Variants in ADAMTS2 observed in about 807,000 individuals in gnomAD.
The protein encoded by ADAMTS2 is A disintegrin and metalloproteinase with thrombospondin motifs 2.
In ADAMTS2, 50 loss-of-function variants were observed where a neutral mutation model predicts 123.0. The observed-to-expected ratio is 0.41, with a 90% CI of 0.32 to 0.51. ADAMTS2 has a LOEUF of 0.51. ADAMTS2 is among the 20% of genes least tolerant of loss of function. The probability of loss-of-function intolerance (pLI) is 0.35; values close to 1 mark genes in which losing one functional copy is unlikely to be tolerated. For synonymous variants in ADAMTS2, 678 were observed against 695.4 expected (o/e 0.98, Z 0.39); for missense variants, 1,494 against 1,705.2 (o/e 0.88, Z 2.18).
At chr5:179,274,459 C>A (rs1429315478) in intron 2 of ADAMTS2, among the ~76,000 whole-genome samples, 4 of 152,250 alleles carry the variant, frequency 2.6e-5, no homozygotes, top group African/African-American at 9.6e-5. Flanking sequence ...TGGCGCTGGC[C>A]GGGGTCCCCT....
intron 3 of ADAMTS2, among the ~76,000 whole-genome samples, chr5:179,208,353 C>A (rs907190125): frequency 6.6e-6 from 1 of 152,228 alleles, no homozygotes; most frequent in Admixed American, 6.5e-5. Flanking sequence ...TGAAGCGAGG[C>A]CCCACATCTC....
At chr5:179,149,791 G>A (rs1029580800) in intron 10 of ADAMTS2, among the ~76,000 whole-genome samples, 4 of 152,272 alleles carry the variant, frequency 2.6e-5, no homozygotes, top group Non-Finnish European at 5.9e-5. Context: ...TCCCCACACC[G>A]AATCCTGATC....
rs370747086 is a variant in ADAMTS2 at position 179,126,060 on chromosome 5, G to A, written c.2688C>T (p.Ala896=). ...DHKMVHRGFC[A]ALSKPKAIRR... ...GGATGGCTTTGGGCTTCGAGAGGGC[G>A]GCACAGAAGCCACGGTGTACCATCT... Residue 896 remains alanine, a synonymous_variant, in exon 18 of 22, where the codon GCC becomes GCT. Coordinates refer to ENST00000251582, the MANE Select transcript of ADAMTS2 (RefSeq NM_014244.5). The A allele has an allele frequency of 1.2e-5, 20 of 1,613,252 alleles. No individual in the cohort carries two copies. Among genetic ancestry groups the A allele is most frequent in the Admixed American group, 1.2e-4 (7 of 60,012 alleles).
chr5:179,302,840 T>C (rs963788321), intron 2 of ADAMTS2, among the ~76,000 whole-genome samples: 4 of 148,618 alleles, frequency 2.7e-5, no homozygotes, highest in Non-Finnish European at 4.4e-5. Flanking sequence ...GAACAGCACA[T>C]GCAGAGGACC....
Position 179,137,877 on chromosome 5 carries a change from A to G in ADAMTS2, c.1843T>C (p.Cys615Arg). ...CGGAAGTCAGCCAGGGAGTCGGGGC[A>G]GTCCTGGCGGCTGCAGAGCTGGAAG... is the stretch of plus-strand genomic sequence containing the variant. ...YDFQLCSRQD[C>R]PDSLADFREE... The change falls in exon 12 of 22, where the codon TGC (cysteine) becomes CGC (arginine). Residue 615 changes from cysteine (C) to arginine (R), a missense_variant. Coordinates refer to ENST00000251582, the MANE Select transcript of ADAMTS2 (RefSeq NM_014244.5). 2 of 1,559,570 alleles carry G rather than the reference A, an allele frequency of 1.3e-6. No individual in the cohort carries two copies. The highest frequency in any genetic ancestry group is 1.7e-6 in the Non-Finnish European group (2 of 1,153,030).
At chr5:179,336,243 C>G (rs1757608747) in intron 2 of ADAMTS2, among the ~76,000 whole-genome samples, 1 of 152,216 alleles carries the variant, frequency 6.6e-6, no homozygotes, top group Non-Finnish European at 1.5e-5. Flanking sequence ...CCTGGACACT[C>G]AAAATGTCTT....
At chr5:179,214,228 A>C (rs867627210) in intron 3 of ADAMTS2, among the ~76,000 whole-genome samples, 4 of 60,188 alleles carry the variant, frequency 6.6e-5, no homozygotes, top group Non-Finnish European at 1.3e-4. Context: ...CAACTCAAAA[A>C]TCGTGCCCAC....
At chr5:179,247,328 T>C (rs1439469686) in intron 3 of ADAMTS2, among the ~76,000 whole-genome samples, 4 of 151,894 alleles carry the variant, frequency 2.6e-5, no homozygotes, top group Non-Finnish European at 4.4e-5. Context: ...TTATCAGCAA[T>C]CATCCAATCT....
intron 5 of ADAMTS2, among the ~76,000 whole-genome samples, chr5:179,177,772 A>C (rs1278876555): frequency 6.6e-6 from 1 of 152,196 alleles, no homozygotes; most frequent in African/African-American, 2.4e-5. Flanking sequence ...AAAAAAGAAA[A>C]AGAAAAAGAA....
Position 179,187,348 on chromosome 5 carries a change from T to C in ADAMTS2, c.892-6193A>G, listed in dbSNP as rs1269242806. Among the ~76,000 whole-genome samples the C allele has an allele frequency of 2.6e-5, 4 of 152,236 alleles. No homozygotes were observed. In the East Asian group the frequency reaches 7.7e-4, roughly 29 times the overall value. On this transcript the variant is annotated intron_variant, in intron 4 of 21. Transcript: ENST00000251582. Reference sequence around the variant, plus strand: ...CTCGGGCTGCCCTGGCCCTGCTCCCTGTGCTCCAGCGGCTAGCCCGGCTGC... The same window carrying C: ...CTCGGGCTGCCCTGGCCCTGCTCCCCGTGCTCCAGCGGCTAGCCCGGCTGC...
At chr5:179,163,219 G>A (rs1248992096) in intron 5 of ADAMTS2, among the ~76,000 whole-genome samples, 2 of 152,198 alleles carry the variant, frequency 1.3e-5, no homozygotes, top group African/African-American at 4.8e-5. Flanking sequence ...CAGGTGACAA[G>A]TCAATGAGGC....
intron 4 of ADAMTS2, among the ~76,000 whole-genome samples, chr5:179,191,627 C>T (rs1187137567): frequency 7.4e-6 from 1 of 135,052 alleles, no homozygotes; most frequent in Non-Finnish European, 1.6e-5. Flanking sequence ...GGGCAGCAAG[C>T]AGCTGCCGGG....
At chr5:179,227,696 G>T (rs1392543699) in intron 3 of ADAMTS2, among the ~76,000 whole-genome samples, 2 of 152,170 alleles carry the variant, frequency 1.3e-5, no homozygotes, top group Admixed American at 1.3e-4. Context: ...AGAGGGGGAA[G>T]GGTGTTCCTG....
intron 2 of ADAMTS2, among the ~76,000 whole-genome samples, chr5:179,310,016 C>T (rs561797791): frequency 7.2e-5 from 11 of 152,278 alleles, no homozygotes; most frequent in South Asian, 6.2e-4. Context: ...GAGTAGCCTG[C>T]GGCCCTGGGG....
chr5:179,341,420 G>A (rs1757769396), intron 2 of ADAMTS2: 5 of 332,780 alleles, frequency 1.5e-5, no homozygotes, highest in South Asian at 1.2e-4. Flanking sequence ...AAGAAAAGAG[G>A]CTGGGCGCAG....
rs528641462 is a variant in ADAMTS2 at position 179,242,295 on chromosome 5, T to C, written c.688+30616A>G. Among the ~76,000 whole-genome samples the C allele has an allele frequency of 6.6e-6, 1 of 152,200 alleles. No homozygotes were observed. The highest frequency in any genetic ancestry group is 2.4e-5 in the African/African-American group (1 of 41,530). On this transcript the variant is annotated intron_variant, in intron 3 of 21. Coordinates refer to ENST00000251582, the MANE Select transcript of ADAMTS2 (RefSeq NM_014244.5). This position sits in a 1 kb window ranked among gnomAD's most constrained non-coding sequence, Gnocchi z 4.2. ...TGTCTTGCTCGCGTGTGCCAGCAAA[T>C]CTCCTTTTCTTGGCTTAATTGGATT... is the stretch of plus-strand genomic sequence containing the variant.
chr5:179,301,279 T>C (rs190873640), intron 2 of ADAMTS2, among the ~76,000 whole-genome samples: 2 of 152,252 alleles, frequency 1.3e-5, no homozygotes, highest in African/African-American at 2.4e-5. Context: ...TAGACTTAAA[T>C]CCCCACTCTG....
chr5:179,223,324 TCA>T (rs1208047574), intron 3 of ADAMTS2, among the ~76,000 whole-genome samples: 5 of 122,394 alleles, frequency 4.1e-5, no homozygotes, highest in Non-Finnish European at 8.8e-5. Flanking sequence ...ACATGCACAC[TCA>T]CACAAATGCA....
In ADAMTS2 at chr5:179,317,490, T is replaced by C. The variant is rs1757034490; in HGVS notation, c.534+26277A>G. Among the ~76,000 whole-genome samples the C allele has an allele frequency of 6.6e-6, 1 of 152,070 alleles. No individual in the cohort carries two copies. Among genetic ancestry groups the C allele is most frequent in the South Asian group, 2.1e-4 (1 of 4,818 alleles). Reference sequence around the variant, plus strand: ...GCGAGCAGGTGGGCGGAGGGTGCACTCATGAGACTTCTATAAGCACGGACC... The same window carrying C: ...GCGAGCAGGTGGGCGGAGGGTGCACCCATGAGACTTCTATAAGCACGGACC... On this transcript the variant is annotated intron_variant, in intron 2 of 21. Coordinates refer to ENST00000251582, the MANE Select transcript of ADAMTS2 (RefSeq NM_014244.5). The surrounding 1 kb of genome is among the most constrained non-coding windows in gnomAD (Gnocchi z 4.9).
Sources: gnomAD v4.1 joint callset for allele counts (sites outside exome capture counted in the v4.1 genomes callset) on GRCh38, gnomAD v4.1.1 for gene constraint, Gnocchi (gnomAD v3.1) non-coding constraint, MANE v1.5 for transcripts, NCBI Gene and HGNC (gene_info 2026-07-23, HGNC 2026-07-21) for gene names.